The following LIG1 variants were observed in gnomAD, a reference collection of about 807,000 sequenced individuals.
The protein encoded by LIG1 is DNA ligase 1.
LIG1 carries 70 observed loss-of-function variants against 115.7 expected under a neutral mutation model. The observed-to-expected ratio is 0.60, with a 90% confidence interval of 0.50 to 0.74. The LOEUF (loss-of-function observed/expected upper bound fraction) is 0.74. LIG1 is among the 30% of genes least tolerant of loss of function. LIG1 has a pLI of 0.00. For missense variants in LIG1, 1,115 were observed against 1,225.6 expected, an observed-to-expected ratio of 0.91 and a Z score of 1.35; for synonymous variants, 487 against 495.3, an observed-to-expected ratio of 0.98 and a Z score of 0.22.
intron 21 of LIG1, among the ~76,000 whole-genome samples, chr19:48,123,921 A>G (rs1042432451): frequency 2.6e-5 from 4 of 151,798 alleles, no homozygotes; most frequent in Admixed American, 6.6e-5. Context: ...TTTCCAGCAC[A>G]TTTACAGTTT....
chr19:48,131,205 T>A, intron 18 of LIG1, 34 bp from the exon 19 acceptor site: 2 of 1,528,412 alleles, frequency 1.3e-6, no homozygotes, highest in Non-Finnish European at 1.8e-6. Flanking sequence ...GGAAATCAGC[T>A]GAGTCCCCTC....
rs2033254015 is a variant in LIG1, at chr19:48,121,303, T to G, written c.2252A>C (p.Asp751Ala). The change falls in exon 24 of 28, where the codon GAT becomes GCT. Residue 751 changes from aspartate (D) to alanine (A), a missense_variant. Physicochemically the swap from Asp to Ala is moderately radical, Grantham distance 126. Transcript: ENST00000263274. ...CAGGTCCAGGGTGTCACCCACGCCA[T>G]CAAGGTAGTCCTTCTTCAGCTGGGA... is the stretch of plus-strand genomic sequence containing the variant. ...NWLKLKKDYLDGVGDTLDLVV... is the reference protein window; with the variant it reads ...NWLKLKKDYLAGVGDTLDLVV... The G allele has an allele frequency of 1.2e-6, 2 of 1,606,388 alleles. No homozygotes were observed. Among genetic ancestry groups the G allele is most frequent in the South Asian group, 1.1e-5 (1 of 90,768 alleles).
At chr19:48,147,034 T>C (rs758478853) in intron 9 of LIG1, among the ~76,000 whole-genome samples, 3 of 152,224 alleles carry the variant, frequency 2.0e-5, no homozygotes, top group Admixed American at 6.5e-5. Context: ...AAGGTCTCAA[T>C]TGGGGGTACA....
intron 9 of LIG1, among the ~76,000 whole-genome samples, chr19:48,147,702 G>A (rs550044790): frequency 1.3e-5 from 2 of 152,018 alleles, no homozygotes; most frequent in Non-Finnish European, 2.9e-5. Context: ...GTTCTATAAA[G>A]AGGAATTTTT....
chr19:48,117,164 T>C (rs943965612), intron 26 of LIG1, among the ~76,000 whole-genome samples: 1 of 151,392 alleles, frequency 6.6e-6, no homozygotes, highest in African/African-American at 2.4e-5. Flanking sequence ...AAAAGAATTT[T>C]CTTTTCTTTT....
intron 9 of LIG1, among the ~76,000 whole-genome samples, chr19:48,147,586 T>C (rs2035197075): frequency 6.6e-6 from 1 of 150,812 alleles, no homozygotes; most frequent in Non-Finnish European, 1.5e-5. Flanking sequence ...GGTGGGAGGA[T>C]CCCGAGCCCA....
chr19:48,133,375 C>G, intron 17 of LIG1: 1 of 467,922 alleles, frequency 2.1e-6, no homozygotes, highest in Non-Finnish European at 3.9e-6. Flanking sequence ...CCCCTCCCTC[C>G]TCTGCGTCCC....
intron 24 of LIG1, chr19:48,120,290 C>A (rs2033174876): frequency 1.0e-6 from 1 of 985,238 alleles, no homozygotes; most frequent in Non-Finnish European, 1.2e-6. Flanking sequence ...GGTCCTGTTG[C>A]CATATTGCTT....
At position 48,143,927 on chromosome 19, in the gene LIG1, G is replaced by T. The variant is rs746951839; in HGVS notation, c.813C>A (p.Asn271Lys). ...AGGCATCTTCCACGGGATGATAGTT[G>T]TTCTTGGCAGGATTGTAACCAGATG... ...LDPSGYNPAK[N>K]NYHPVEDACW... The change falls in exon 10 of 28, where the codon AAC (asparagine) becomes AAA (lysine). Residue 271 changes from asparagine to lysine, a missense_variant. Transcript: ENST00000263274. 6.2e-7 allele frequency: 1 copy of T among 1,614,106 alleles called. No homozygotes were observed.
chr19:48,139,170 C>T (rs765183007), intron 12 of LIG1, among the ~76,000 whole-genome samples: 1 of 152,180 alleles, frequency 6.6e-6, no homozygotes, highest in Non-Finnish European at 1.5e-5. Flanking sequence ...GCCTCAGACC[C>T]GTTTCCAAAC....
rs1431253645 is a variant in LIG1 at position 48,135,918 on chromosome 19, G to A, written c.1423+116C>T. 4.1e-6 allele frequency: 4 copies of A among 970,402 alleles called. No homozygotes were observed. The East Asian group carries it at 7.8e-5, about 19-fold the overall frequency. The allele number at this position is 970,402 out of a possible 1,614,324, so 60.1% of individuals were successfully genotyped here. ...CCCCTCCCCCCCACCCAGGAGAGAG[G>A]AGCCTGGTATGGCAGGGGCCCGCTG... On this transcript the variant is annotated intron_variant, in intron 15 of 27. Transcript: ENST00000263274.
chr19:48,150,366 GCCTGCTGTCT>G (rs2035393150), intron 7 of LIG1, among the ~76,000 whole-genome samples, 156 bp from the exon 8 acceptor site: 1 of 152,018 alleles, frequency 6.6e-6, no homozygotes, highest in Admixed American at 6.6e-5. Flanking sequence ...GAGATCTCAG[GCCTGCTGTCT>G]ACTCCTCAGT....
At chr19:48,155,575 T>C (rs1194255150) in intron 5 of LIG1, among the ~76,000 whole-genome samples, 1 of 152,144 alleles carries the variant, frequency 6.6e-6, no homozygotes, top group Non-Finnish European at 1.5e-5. Context: ...CATCGTCCGA[T>C]GGAAAGATCT....
chr19:48,135,428 A>G (rs1311614769), intron 16 of LIG1, among the ~76,000 whole-genome samples: 1 of 152,102 alleles, frequency 6.6e-6, no homozygotes, highest in Non-Finnish European at 1.5e-5. Flanking sequence ...GGCCGCTGCC[A>G]GCGTCTTTCT....
At chr19:48,152,533 A>C (rs1344516614) in intron 6 of LIG1, among the ~76,000 whole-genome samples, 1 of 152,170 alleles carries the variant, frequency 6.6e-6, no homozygotes, top group Non-Finnish European at 1.5e-5. Context: ...GTGTAATCTC[A>C]TGCAGGCCCC....
intron 22 of LIG1, 47 bp downstream of exon 22, chr19:48,123,127 G>A (rs1476495821): frequency 2.5e-6 from 4 of 1,613,736 alleles, no homozygotes; most frequent in South Asian, 1.1e-5. Flanking sequence ...GGAGGCCGGG[G>A]TCAGCGCAAG....
At chr19:48,120,032 T>C (rs1486230910) in intron 24 of LIG1, 1 of 286,802 alleles carries the variant, frequency 3.5e-6, no homozygotes. Context: ...GTCCTGACAA[T>C]AGCTCATTTA....
intron 2 of LIG1, among the ~76,000 whole-genome samples, chr19:48,163,225 A>T (rs998407805): frequency 1.0e-4 from 15 of 148,338 alleles, no homozygotes; most frequent in Non-Finnish European, 2.2e-4. Flanking sequence ...GCCTAAAAAA[A>T]TTTTTTTTTT....
At chr19:48,116,270 C>T (rs545632849) in intron 26 of LIG1, 304 of 325,806 alleles carry the variant, frequency 9.3e-4, no homozygotes, top group Non-Finnish European at 1.5e-3. Flanking sequence ...GGTGAAACCC[C>T]GCCTCTACTA....
Sources: allele counts gnomAD v4.1 joint callset (sites outside exome capture counted in the v4.1 genomes callset), GRCh38; gene constraint gnomAD v4.1.1; transcripts MANE v1.5; gene names NCBI Gene and HGNC (gene_info 2026-07-23, HGNC 2026-07-21).